Variants in RNF150 observed in about 807,000 individuals in gnomAD.
RNF150 encodes ring finger protein 150.
RNF150 carries 24 observed loss-of-function variants against 39.3 expected under a neutral mutation model. That is an observed-to-expected ratio of 0.61 (90% CI 0.44 to 0.86). The LOEUF (loss-of-function observed/expected upper bound fraction) is 0.86, where lower values mean the gene tolerates loss of function less well. Ranked by LOEUF, RNF150 falls within the 40% of genes least tolerant of loss-of-function variation. The probability of loss-of-function intolerance (pLI) is 0.00; values close to 1 mark genes in which losing one functional copy is unlikely to be tolerated. For synonymous variants in RNF150, 255 were observed against 227.3 expected, an observed-to-expected ratio of 1.12 and a Z score of -1.10; for missense variants, 502 against 587.8, an observed-to-expected ratio of 0.85 and a Z score of 1.51.
intron 6 of RNF150, among the ~76,000 whole-genome samples, chr4:140,896,973 T>C (rs1429871035): frequency 6.6e-6 from 1 of 152,156 alleles, no homozygotes; most frequent in Non-Finnish European, 1.5e-5. Context: ...AAGTAAGGCA[T>C]GACTAAGTAA....
chr4:141,080,428 G>GCTGCT (rs1738104078), intron 1 of RNF150, among the ~76,000 whole-genome samples: 1 of 152,170 alleles, frequency 6.6e-6, no homozygotes, highest in East Asian at 1.9e-4. Flanking sequence ...TCTAATACTG[G>GCTGCT]CTGCTATAAT....
chr4:141,106,065 C>T (rs765781397), intron 1 of RNF150, among the ~76,000 whole-genome samples: 1 of 152,220 alleles, frequency 6.6e-6, no homozygotes, highest in Non-Finnish European at 1.5e-5. Context: ...ATCAAATAAA[C>T]TGTTTCCTTT....
chr4:141,208,033 A>G (rs1245713752), intron 1 of RNF150, among the ~76,000 whole-genome samples: 2 of 152,254 alleles, frequency 1.3e-5, no homozygotes, highest in South Asian at 2.1e-4. Flanking sequence ...TGAAAGAATC[A>G]CAGGGAATCA....
Position 141,068,065 on chromosome 4 carries a change from T to G in RNF150, c.484+64260A>C, listed in dbSNP as rs796184840. Among the ~76,000 whole-genome samples, 3 of 151,998 alleles carry G rather than the reference T, an allele frequency of 2.0e-5. No homozygotes were observed. In the East Asian group the frequency reaches 5.8e-4, roughly 29 times the overall value. ...GGTTCAAGCAATTCTTGTGCCTCAGTCTCCTGAGTAGCTGGGACTCCAAGT... is the reference window on the plus strand; with the variant it reads ...GGTTCAAGCAATTCTTGTGCCTCAGGCTCCTGAGTAGCTGGGACTCCAAGT... On this transcript the variant is annotated intron_variant, in intron 1 of 6. Coordinates refer to ENST00000515673, the MANE Select transcript of RNF150 (RefSeq NM_020724.2).
intron 1 of RNF150, among the ~76,000 whole-genome samples, chr4:141,014,421 G>A (rs775820758): frequency 4.6e-5 from 7 of 152,244 alleles, no homozygotes; most frequent in East Asian, 1.9e-4. Flanking sequence ...CCTCCACACC[G>A]CTTTCCATAA....
At chr4:141,117,333 A>G (rs910457233) in intron 1 of RNF150, among the ~76,000 whole-genome samples, 5 of 152,204 alleles carry the variant, frequency 3.3e-5, no homozygotes, top group Non-Finnish European at 7.3e-5. Flanking sequence ...GTGGGAAACA[A>G]TGTTTCCAGA....
At chr4:141,106,868 A>G (rs1242130619) in intron 1 of RNF150, among the ~76,000 whole-genome samples, 1 of 152,078 alleles carries the variant, frequency 6.6e-6, no homozygotes, top group Non-Finnish European at 1.5e-5. Flanking sequence ...TCCATCTACA[A>G]TGTTCTTTTC....
intron 1 of RNF150, among the ~76,000 whole-genome samples, chr4:141,111,425 C>T (rs933434476): frequency 3.3e-5 from 5 of 152,006 alleles, no homozygotes; most frequent in East Asian, 1.9e-4. Flanking sequence ...TGGATAATTT[C>T]GATGATATAG....
chr4:141,034,250 A>G (rs1265321739), intron 1 of RNF150, among the ~76,000 whole-genome samples: 1 of 152,104 alleles, frequency 6.6e-6, no homozygotes, highest in African/African-American at 2.4e-5. Context: ...CTTTCTTTAA[A>G]CATCATGAAC....
At chr4:140,937,102 T>C (rs923608649) in intron 4 of RNF150, among the ~76,000 whole-genome samples, 16 of 152,152 alleles carry the variant, frequency 1.1e-4, no homozygotes, top group Admixed American at 1.0e-3. Context: ...GGAATGTATC[T>C]GAAGGGATAA....
chr4:141,138,850 T>A (rs1727069673), intron 1 of RNF150, among the ~76,000 whole-genome samples: 1 of 151,932 alleles, frequency 6.6e-6, no homozygotes, highest in South Asian at 2.1e-4. Context: ...CAAGGAGGGG[T>A]CAGGACAAGA....
chr4:141,201,492 T>C (rs1427101200), intron 1 of RNF150, among the ~76,000 whole-genome samples: 2 of 152,024 alleles, frequency 1.3e-5, no homozygotes, highest in Non-Finnish European at 2.9e-5. Context: ...GTAATTTTTA[T>C]TGGTGTGTCT....
chr4:140,990,668 G>A (rs916994403), intron 1 of RNF150, among the ~76,000 whole-genome samples: 6 of 152,120 alleles, frequency 3.9e-5, no homozygotes, highest in Admixed American at 6.5e-5. Context: ...ACATGATCTC[G>A]TTCCTTTTTA....
intron 1 of RNF150, among the ~76,000 whole-genome samples, chr4:141,098,581 G>C (rs1224184306): frequency 6.6e-6 from 1 of 152,118 alleles, no homozygotes; most frequent in Non-Finnish European, 1.5e-5. Context: ...CTTTTGATGG[G>C]GGCACTTGGA....
chr4:140,964,944 C>T (rs1733178506), intron 2 of RNF150, among the ~76,000 whole-genome samples: 1 of 150,714 alleles, frequency 6.6e-6, no homozygotes, highest in South Asian at 2.1e-4. Context: ...GGGGATACTG[C>T]ATATGAGGGG....
chr4:140,935,079 AAT>A (rs1207283917), intron 4 of RNF150, among the ~76,000 whole-genome samples: 34 of 107,012 alleles, frequency 3.2e-4, no homozygotes, highest in African/African-American at 1.3e-3. Context: ...ATATATATAT[AAT>A]ATATATAATA....
chr4:141,045,186 T>C (rs1736524511), intron 1 of RNF150, among the ~76,000 whole-genome samples: 2 of 152,220 alleles, frequency 1.3e-5, no homozygotes, highest in Admixed American at 6.5e-5. Flanking sequence ...CCAACATTAA[T>C]GTAATGAAGT....
chr4:140,925,363 CTT>C (rs1731351007), intron 5 of RNF150, among the ~76,000 whole-genome samples: 1 of 152,160 alleles, frequency 6.6e-6, no homozygotes, highest in Non-Finnish European at 1.5e-5. Flanking sequence ...AGAGACTAAA[CTT>C]TAGAAAACAT....
intron 6 of RNF150, among the ~76,000 whole-genome samples, chr4:140,879,792 CTGTG>C (rs1162795573): frequency 1.3e-5 from 2 of 152,068 alleles, no homozygotes; most frequent in Admixed American, 1.3e-4. Context: ...GTACTCCATC[CTGTG>C]TGGCAGAGCA....
Sources: gnomAD v4.1 joint callset for allele counts (sites outside exome capture counted in the v4.1 genomes callset) on GRCh38, gnomAD v4.1.1 for gene constraint, MANE v1.5 for transcripts, NCBI Gene and HGNC (gene_info 2026-07-23, HGNC 2026-07-21) for gene names.